The following GPC6 variants were observed in gnomAD, a reference collection of about 807,000 sequenced individuals.
The protein encoded by GPC6 is glypican-6.
Under a neutral mutation model 55.2 loss-of-function variants are expected in GPC6, and 14 were observed. The ratio of observed to expected loss-of-function variants is 0.25; its 90% CI spans 0.17 to 0.40. GPC6 has a LOEUF of 0.40. Among genes scored for constraint, GPC6 ranks in the 10% least tolerant of loss-of-function variants. The pLI is 1.00. For missense variants in GPC6, 641 were observed against 708.5 expected, an observed-to-expected ratio of 0.90 and a Z score of 1.08; for synonymous variants, 278 against 259.6, an observed-to-expected ratio of 1.07 and a Z score of -0.68.
intron 1 of GPC6, among the ~76,000 whole-genome samples, chr13:93,477,431 T>A (rs1879340815): frequency 6.6e-6 from 1 of 152,166 alleles, no homozygotes; most frequent in African/African-American, 2.4e-5. Flanking sequence ...ATTTTTCTTT[T>A]GCAACATTCC....
intron 3 of GPC6, among the ~76,000 whole-genome samples, chr13:93,977,001 A>G (rs894970395): frequency 1.3e-5 from 2 of 152,116 alleles, no homozygotes; most frequent in Admixed American, 6.6e-5. Flanking sequence ...AATATAGAGC[A>G]TTCTGTTAAA....
At chr13:93,253,069 G>T (rs974504008) in intron 1 of GPC6, among the ~76,000 whole-genome samples, 1 of 152,090 alleles carries the variant, frequency 6.6e-6, no homozygotes, top group African/African-American at 2.4e-5. Flanking sequence ...TTTTATATAG[G>T]TATATGTCTA....
At chr13:93,292,963 T>C (rs1174148976) in intron 1 of GPC6, among the ~76,000 whole-genome samples, 1 of 152,148 alleles carries the variant, frequency 6.6e-6, no homozygotes, top group Non-Finnish European at 1.5e-5. Context: ...GTGTGTCTAG[T>C]TATATTCCAG....
intron 1 of GPC6, among the ~76,000 whole-genome samples, chr13:93,334,039 T>C (rs1364437227): frequency 6.6e-6 from 1 of 152,208 alleles, no homozygotes. Flanking sequence ...ACAAGTATAT[T>C]TAATTATGAC....
rs1339128658 is a variant in GPC6, at chr13:93,493,857, C to T, written c.161-51406C>T. On this transcript the variant is annotated intron_variant, in intron 1 of 8. Coordinates refer to ENST00000377047, the MANE Select transcript of GPC6 (RefSeq NM_005708.5). ...TTTGAGTGAGATTCTTAATCCTGAG[C>T]TCTAGTTTGATTGCACTGTGGTCTG... 1.1e-4 allele frequency among the ~76,000 whole-genome samples: 13 copies of T among 115,694 alleles called. No individual in the cohort carries two copies. The South Asian group carries it at 2.5e-3, about 22-fold the overall frequency. 75.9% of individuals were successfully genotyped at this position (115,694 alleles called of 152,430 possible).
rs1332445582 is a variant in GPC6 at position 94,291,896 on chromosome 13, A to G, written c.1008+5417A>G. Among the ~76,000 whole-genome samples the G allele has an allele frequency of 2.0e-5, 3 of 152,188 alleles. No individual in the cohort carries two copies. The East Asian group carries it at 5.8e-4, about 29-fold the overall frequency. On this transcript the variant is annotated intron_variant, in intron 5 of 8. Coordinates refer to ENST00000377047, the MANE Select transcript of GPC6 (RefSeq NM_005708.5). The stretch of plus-strand genomic sequence containing the variant: ...ATATCCTGAGAGTTGTAAAGTTTAG[A>G]AATTAAAATAACTTTTTCCTCTAGG...
intron 4 of GPC6, among the ~76,000 whole-genome samples, chr13:94,047,663 G>A (rs1181562115): frequency 6.6e-6 from 1 of 152,036 alleles, no homozygotes; most frequent in Non-Finnish European, 1.5e-5. Context: ...TTGTAATAAA[G>A]AAAAACGGTT....
chr13:93,365,328 T>A (rs185596688), intron 1 of GPC6, among the ~76,000 whole-genome samples: 2 of 152,240 alleles, frequency 1.3e-5, no homozygotes, highest in African/African-American at 4.8e-5. Context: ...CTAAGTTTGA[T>A]CAACCTGATT....
chr13:93,431,205 C>G (rs1409266412), intron 1 of GPC6, among the ~76,000 whole-genome samples: 1 of 152,018 alleles, frequency 6.6e-6, no homozygotes, highest in African/African-American at 2.4e-5. Context: ...ATTACACTAA[C>G]CTAACATTTC....
chr13:93,686,781 T>A (rs1050425435), intron 2 of GPC6, among the ~76,000 whole-genome samples: 1 of 152,124 alleles, frequency 6.6e-6, no homozygotes, highest in East Asian at 1.9e-4. Context: ...TTACAGAGTT[T>A]GAATACTTAA....
chr13:94,384,120 T>C (rs1367855609), intron 7 of GPC6, among the ~76,000 whole-genome samples: 1 of 152,220 alleles, frequency 6.6e-6, no homozygotes, highest in Non-Finnish European at 1.5e-5. Flanking sequence ...AGGAAGAGTT[T>C]AGCAAGGTGA....
intron 4 of GPC6, among the ~76,000 whole-genome samples, chr13:94,046,934 T>TA (rs1883755237): frequency 6.6e-6 from 1 of 152,126 alleles, no homozygotes; most frequent in Admixed American, 6.6e-5. Flanking sequence ...AGTTCGCCAC[T>TA]ACTGCGAAGT....
At chr13:93,844,619 C>A (rs1056578126) in intron 3 of GPC6, among the ~76,000 whole-genome samples, 4 of 149,164 alleles carry the variant, frequency 2.7e-5, no homozygotes, top group African/African-American at 9.9e-5. Flanking sequence ...ATGGTAGTTT[C>A]TTTTGCTGTG....
intron 1 of GPC6, among the ~76,000 whole-genome samples, chr13:93,326,439 G>A (rs1486298890): frequency 6.8e-6 from 1 of 146,162 alleles, no homozygotes; most frequent in African/African-American, 2.5e-5. Context: ...TCTCTCTCTG[G>A]CTACACACAC....
At chr13:94,087,540 C>G (rs1207049134) in intron 4 of GPC6, among the ~76,000 whole-genome samples, 1 of 152,204 alleles carries the variant, frequency 6.6e-6, no homozygotes, top group Non-Finnish European at 1.5e-5. Flanking sequence ...GTTTCAGGCA[C>G]TGTTACCTCA....
At chr13:94,185,003 G>A (rs1889121624) in intron 4 of GPC6, among the ~76,000 whole-genome samples, 1 of 152,100 alleles carries the variant, frequency 6.6e-6, no homozygotes, top group Admixed American at 6.5e-5. Context: ...AACACAGATG[G>A]AGGTGGAGGA....
chr13:94,363,109 T>G (rs1007402809), intron 6 of GPC6, among the ~76,000 whole-genome samples: 9 of 152,142 alleles, frequency 5.9e-5, no homozygotes, highest in Non-Finnish European at 7.4e-5. Context: ...TCTCGTTAGA[T>G]TCAACGAAAA....
At chr13:93,546,825 A>AT (rs1344545604) in intron 2 of GPC6, among the ~76,000 whole-genome samples, 1 of 152,192 alleles carries the variant, frequency 6.6e-6, no homozygotes, top group Non-Finnish European at 1.5e-5. Flanking sequence ...GTTGCCAGTG[A>AT]TTTTGACTTG....
chr13:94,227,785 T>C (rs918806735), intron 4 of GPC6, among the ~76,000 whole-genome samples: 4 of 152,048 alleles, frequency 2.6e-5, no homozygotes, highest in African/African-American at 9.7e-5. Context: ...TATCTGTTAC[T>C]CTAGAACCCA....
Sources: gnomAD v4.1 joint callset for allele counts (sites outside exome capture counted in the v4.1 genomes callset) on GRCh38, gnomAD v4.1.1 for gene constraint, MANE v1.5 for transcripts, NCBI Gene and HGNC (gene_info 2026-07-23, HGNC 2026-07-21) for gene names.